The following FARS2 variants were observed in gnomAD, a reference collection of about 807,000 sequenced individuals.
The protein encoded by FARS2 is phenylalanyl-tRNA synthetase 2, mitochondrial.
In FARS2, 40 loss-of-function variants were observed where a neutral mutation model predicts 46.4. The observed-to-expected ratio is 0.86, with a 90% CI of 0.67 to 1.12. The LOEUF is 1.12. Among genes scored for constraint, FARS2 ranks in the 50% most tolerant of loss-of-function variants. The pLI, the probability that FARS2 is intolerant of heterozygous loss-of-function variation, is 0.00. For missense variants in FARS2, 513 were observed against 567.9 expected (o/e 0.90, Z 0.98); for synonymous variants, 234 against 214.9 (o/e 1.09, Z -0.78).
At chr6:5,294,020 A>G (rs1174601569) in intron 1 of FARS2, among the ~76,000 whole-genome samples, 1 of 152,216 alleles carries the variant, frequency 6.6e-6, no homozygotes, top group African/African-American at 2.4e-5. Context: ...AGCACGAATG[A>G]CCTGCATGTG....
chr6:5,542,531 G>A (rs910190490), intron 4 of FARS2, among the ~76,000 whole-genome samples: 2 of 152,056 alleles, frequency 1.3e-5, no homozygotes, highest in Non-Finnish European at 2.9e-5. Flanking sequence ...AAACCATTCC[G>A]TCCATTATGG....
Position 5,706,786 on chromosome 6 carries a change from G to T in FARS2, c.1218-64505G>T, listed in dbSNP as rs532086314. 2.2e-4 allele frequency among the ~76,000 whole-genome samples: 33 copies of T among 152,336 alleles called. 1 individual carries two copies. Among genetic ancestry groups the T allele is most frequent in the South Asian group, 1.0e-3 (5 of 4,826 alleles). ...TGTTAATCCTATTGCTACATCTCCA[G>T]CCTTGAGATTTGCCAAATATTGCTG... On this transcript the variant is annotated intron_variant, in intron 6 of 6. Transcript: ENST00000274680.
At chr6:5,329,055 T>G (rs1430202281) in intron 1 of FARS2, among the ~76,000 whole-genome samples, 1 of 151,954 alleles carries the variant, frequency 6.6e-6, no homozygotes, top group Non-Finnish European at 1.5e-5. Context: ...GGTTCTGTGG[T>G]ATTAGAGTGC....
chr6:5,305,191 T>G (rs1258535787), intron 1 of FARS2, among the ~76,000 whole-genome samples: 1 of 152,242 alleles, frequency 6.6e-6, no homozygotes, highest in African/African-American at 2.4e-5. Flanking sequence ...TCTTTGTCAT[T>G]GCAGTTTTCT....
At chr6:5,610,813 G>T (rs1490599569) in intron 5 of FARS2, among the ~76,000 whole-genome samples, 1 of 152,234 alleles carries the variant, frequency 6.6e-6, no homozygotes, top group Admixed American at 6.5e-5. Flanking sequence ...AGGTGGCTTT[G>T]CCTGTCCAGC....
At chr6:5,407,750 G>C (rs1761698462) in intron 3 of FARS2, among the ~76,000 whole-genome samples, 2 of 152,086 alleles carry the variant, frequency 1.3e-5, no homozygotes, top group Non-Finnish European at 2.9e-5. Context: ...AGTGAAATAG[G>C]TTTCAAATAG....
chr6:5,484,405 A>G (rs147208035), intron 4 of FARS2, among the ~76,000 whole-genome samples: 3 of 152,244 alleles, frequency 2.0e-5, no homozygotes, highest in African/African-American at 7.2e-5. Context: ...TAGAGCTTGC[A>G]GTGATGATGG....
intron 2 of FARS2, among the ~76,000 whole-genome samples, chr6:5,376,653 G>A (rs1759401413): frequency 6.6e-6 from 1 of 152,118 alleles, no homozygotes; most frequent in African/African-American, 2.4e-5. Context: ...ACATGGATGG[G>A]TTTTAATGCA....
In FARS2 at chr6:5,311,169, A is replaced by G. The variant is rs1486742332; in HGVS notation, c.-22+49509A>G. On this transcript the variant is annotated intron_variant, in intron 1 of 6. Coordinates refer to ENST00000274680, the MANE Select transcript of FARS2 (RefSeq NM_006567.5). The surrounding 1 kb of genome is among the most constrained non-coding windows in gnomAD (Gnocchi z 4.1). ...TGGTTTGTAGTTGTTGCGAGTGAAG[A>G]GGATTTGTATGTGCTGTCAGAGAGG... 6.6e-6 allele frequency among the ~76,000 whole-genome samples: 1 copy of G among 152,228 alleles called. No homozygotes were observed. Among genetic ancestry groups the G allele is most frequent in the Non-Finnish European group, 1.5e-5 (1 of 68,046 alleles).
At chr6:5,639,412 T>G (rs1776697094) in intron 6 of FARS2, among the ~76,000 whole-genome samples, 1 of 152,224 alleles carries the variant, frequency 6.6e-6, no homozygotes, top group Admixed American at 6.5e-5. Flanking sequence ...TTACCATGTT[T>G]ACACCCTGTA....
chr6:5,448,654 A>AAG (rs1764312213), intron 4 of FARS2, among the ~76,000 whole-genome samples: 3 of 152,230 alleles, frequency 2.0e-5, no homozygotes, highest in Admixed American at 1.3e-4. Flanking sequence ...TGTTTCAGTG[A>AAG]ATAACTATGT....
chr6:5,625,271 G>A (rs1298606684), intron 6 of FARS2, among the ~76,000 whole-genome samples: 1 of 152,118 alleles, frequency 6.6e-6, no homozygotes. Flanking sequence ...GCACAGACAG[G>A]TCTGGCAGTC....
intron 1 of FARS2, among the ~76,000 whole-genome samples, chr6:5,291,618 G>C (rs533338537): frequency 5.9e-5 from 9 of 152,048 alleles, no homozygotes; most frequent in Non-Finnish European, 1.0e-4. Context: ...ATTAAATATT[G>C]AATAGCTGAG....
intron 1 of FARS2, among the ~76,000 whole-genome samples, chr6:5,292,614 G>A (rs1037495045): frequency 2.0e-5 from 3 of 152,172 alleles, no homozygotes; most frequent in African/African-American, 7.2e-5. Context: ...AAATGCAGAA[G>A]GTGGTATTAG....
intron 4 of FARS2, among the ~76,000 whole-genome samples, chr6:5,505,278 G>A (rs115864789): frequency 1.6e-3 from 250 of 152,244 alleles, no homozygotes; most frequent in African/African-American, 5.6e-3. Context: ...AGCTTCCTTC[G>A]CTCTTCCAGA....
chr6:5,656,696 G>T (rs189386951), intron 6 of FARS2, among the ~76,000 whole-genome samples: 2 of 152,178 alleles, frequency 1.3e-5, no homozygotes, highest in Admixed American at 1.3e-4. Flanking sequence ...GACTACAGGC[G>T]CATACTACCA....
intron 4 of FARS2, among the ~76,000 whole-genome samples, chr6:5,533,398 C>G (rs943595481): frequency 6.6e-6 from 1 of 152,144 alleles, no homozygotes; most frequent in African/African-American, 2.4e-5. Context: ...GTATGAAATT[C>G]TTCGGAATAC....
intron 6 of FARS2, among the ~76,000 whole-genome samples, chr6:5,623,424 T>A (rs1775871305): frequency 6.6e-6 from 1 of 152,120 alleles, no homozygotes; most frequent in African/African-American, 2.4e-5. Context: ...ATTAAAAAAA[T>A]ACTTGTAGGC....
intron 1 of FARS2, among the ~76,000 whole-genome samples, chr6:5,270,812 A>G (rs538557784): frequency 6.6e-6 from 1 of 152,138 alleles, no homozygotes; most frequent in South Asian, 2.1e-4. Context: ...GCTGCTTTTC[A>G]TTCTTTAGTA....
Sources: allele counts gnomAD v4.1 joint callset (sites outside exome capture counted in the v4.1 genomes callset), GRCh38; gene constraint gnomAD v4.1.1; non-coding constraint Gnocchi (gnomAD v3.1); transcripts MANE v1.5; gene names NCBI Gene and HGNC (gene_info 2026-07-23, HGNC 2026-07-21).